MEF2A: variants seen among roughly 807,000 people sequenced by gnomAD.
MEF2A encodes the protein myocyte enhancer factor 2A.
In MEF2A, 28 loss-of-function variants were observed where a neutral mutation model predicts 55.8. That is an observed-to-expected ratio of 0.50 (90% CI 0.37 to 0.69). MEF2A has a LOEUF of 0.69. MEF2A is among the 30% of genes least tolerant of loss of function. The probability of loss-of-function intolerance (pLI) is 0.00; values close to 1 mark genes in which losing one functional copy is unlikely to be tolerated. For missense variants in MEF2A, 528 were observed against 626.2 expected (o/e 0.84, Z 1.67); for synonymous variants, 239 against 227.1 (o/e 1.05, Z -0.47).
intron 2 of MEF2A, among the ~76,000 whole-genome samples, chr15:99,617,339 G>A (rs1359384627): frequency 6.6e-6 from 1 of 151,482 alleles, no homozygotes; most frequent in Non-Finnish European, 1.5e-5. Flanking sequence ...GTATCATCTG[G>A]CATTTTGACT....
At chr15:99,686,002 C>T (rs2054147554) in intron 7 of MEF2A, among the ~76,000 whole-genome samples, 1 of 151,966 alleles carries the variant, frequency 6.6e-6, no homozygotes, top group African/African-American at 2.4e-5. Context: ...TGTTATTGGT[C>T]CATGCAGAGT....
intron 7 of MEF2A, among the ~76,000 whole-genome samples, chr15:99,680,530 A>G (rs758587263): frequency 2.0e-5 from 3 of 152,206 alleles, no homozygotes; most frequent in Non-Finnish European, 4.4e-5. Context: ...AAAAATGTTT[A>G]TACCTCCAAG....
At chr15:99,596,830 G>A (rs1322305206) in intron 1 of MEF2A, among the ~76,000 whole-genome samples, 1 of 152,218 alleles carries the variant, frequency 6.6e-6, no homozygotes, top group Non-Finnish European at 1.5e-5. Context: ...GTGTTCACTA[G>A]TTGTTGCGAG....
At chr15:99,674,747 C>A (rs1194278019) in intron 6 of MEF2A, 135 bp downstream of exon 6, 2 of 744,036 alleles carry the variant, frequency 2.7e-6, no homozygotes, top group Non-Finnish European at 4.3e-6. Flanking sequence ...TAATTGGCCT[C>A]ATTTTAAAGT....
At chr15:99,583,286 T>C (rs980909849) in intron 1 of MEF2A, among the ~76,000 whole-genome samples, 1 of 152,290 alleles carries the variant, frequency 6.6e-6, no homozygotes, top group Middle Eastern at 3.4e-3. Flanking sequence ...CTGAGGCTTC[T>C]TCCAGTTCAG....
At chr15:99,605,457 A>G (rs997855780) in intron 2 of MEF2A, among the ~76,000 whole-genome samples, 7 of 152,154 alleles carry the variant, frequency 4.6e-5, no homozygotes, top group African/African-American at 1.4e-4. Flanking sequence ...ACAACTTCCA[A>G]AGTTGAACTA....
intron 7 of MEF2A, among the ~76,000 whole-genome samples, chr15:99,678,327 A>G (rs918327341): frequency 1.3e-5 from 2 of 152,210 alleles, no homozygotes; most frequent in African/African-American, 4.8e-5. Flanking sequence ...TTTATAGGCC[A>G]GCATGTGCTC....
At chr15:99,687,084 CTTTTTTTTTTTT>C (rs71149484) in intron 7 of MEF2A, among the ~76,000 whole-genome samples, 10 of 67,764 alleles carry the variant, frequency 1.5e-4, no homozygotes, top group African/African-American at 5.9e-4. Flanking sequence ...ATTAATTTTT[CTTTTTTTTTTTT>C]TTTTTTTTTT....
intron 8 of MEF2A, among the ~76,000 whole-genome samples, chr15:99,701,303 C>T (rs1245546959): frequency 6.6e-6 from 1 of 152,158 alleles, no homozygotes; most frequent in Non-Finnish European, 1.5e-5. Flanking sequence ...AATCCATGCC[C>T]TTCTATCTGA....
At position 99,701,798 on chromosome 15, in the gene MEF2A, C is replaced by T. The variant is rs148959970; in HGVS notation, c.859-1564C>T. Among the ~76,000 whole-genome samples the T allele has an allele frequency of 3.6e-3, 555 of 152,330 alleles. 2 individuals are homozygous for T. The highest frequency in any genetic ancestry group is 0.013 in the African/African-American group (523 of 41,564). On this transcript the variant is annotated intron_variant, in intron 8 of 11. Transcript: ENST00000557942. ...GCATTTAGGATGGTCCCATAGCTCA[C>T]CTTTCAGGTACTGGATATGCAATAC...
chr15:99,591,617 C>T (rs927120912), intron 1 of MEF2A, among the ~76,000 whole-genome samples: 6 of 151,700 alleles, frequency 4.0e-5, no homozygotes, highest in Non-Finnish European at 7.4e-5. Flanking sequence ...TTTTTTGTTT[C>T]TCCTTCCTTC....
intron 4 of MEF2A, among the ~76,000 whole-genome samples, chr15:99,656,415 C>A (rs1026497783): frequency 6.6e-6 from 1 of 152,092 alleles, no homozygotes; most frequent in African/African-American, 2.4e-5. Context: ...TGCACATGAA[C>A]ATAAATGATA....
intron 4 of MEF2A, among the ~76,000 whole-genome samples, chr15:99,666,772 C>T (rs901599777): frequency 2.6e-5 from 4 of 151,992 alleles, no homozygotes; most frequent in African/African-American, 9.7e-5. Flanking sequence ...ATTCCTTTTC[C>T]CTAGAAATAT....
At chr15:99,605,749 T>A (rs933531003) in intron 2 of MEF2A, among the ~76,000 whole-genome samples, 1 of 150,780 alleles carries the variant, frequency 6.6e-6, no homozygotes, top group African/African-American at 2.4e-5. Context: ...GGTGGGTGGA[T>A]CACCTGAGCC....
chr15:99,677,573 C>T (rs2153660627), intron 7 of MEF2A, among the ~76,000 whole-genome samples: 1 of 152,122 alleles, frequency 6.6e-6, no homozygotes, highest in African/African-American at 2.4e-5. Flanking sequence ...AGACCCAGAG[C>T]ATGCAATAAA....
chr15:99,651,671 G>T (rs1007827465), intron 4 of MEF2A, among the ~76,000 whole-genome samples: 2 of 152,126 alleles, frequency 1.3e-5, no homozygotes, highest in African/African-American at 4.8e-5. Flanking sequence ...GCCTCACACA[G>T]CAGTCACCAT....
intron 1 of MEF2A, among the ~76,000 whole-genome samples, chr15:99,577,930 G>A (rs776291435): frequency 6.6e-6 from 1 of 152,166 alleles, no homozygotes. Context: ...TATCATATCA[G>A]GAGGTATGTT....
At chr15:99,565,681 C>T (rs1287907087), upstream of MEF2A, 1 of 152,442 alleles carries the variant, frequency 6.6e-6, no homozygotes. Flanking sequence ...TGATCGTCTC[C>T]TCACCCACCC....
chr15:99,629,168 C>T (rs1323067702), intron 2 of MEF2A, among the ~76,000 whole-genome samples: 2 of 152,192 alleles, frequency 1.3e-5, no homozygotes, highest in Non-Finnish European at 2.9e-5. Flanking sequence ...AACGCGGTGG[C>T]TCATGCCTGT....
Sources: allele counts gnomAD v4.1 joint callset (sites outside exome capture counted in the v4.1 genomes callset), GRCh38; gene constraint gnomAD v4.1.1; transcripts MANE v1.5; gene names NCBI Gene and HGNC (gene_info 2026-07-23, HGNC 2026-07-21).